BMX: variants seen among roughly 807,000 people sequenced by gnomAD.
The protein encoded by BMX is cytoplasmic tyrosine-protein kinase BMX.
In BMX, 31 loss-of-function variants were observed where a neutral mutation model predicts 59.2. The ratio of observed to expected loss-of-function variants is 0.52; its 90% CI spans 0.39 to 0.71. The LOEUF (loss-of-function observed/expected upper bound fraction) is 0.71. BMX is among the 30% of genes least tolerant of loss of function. The pLI, the probability that BMX is intolerant of heterozygous loss-of-function variation, is 0.00. For missense variants in BMX, 474 were observed against 491.7 expected (o/e 0.96, Z 0.34); for synonymous variants, 185 against 181.0 (o/e 1.02, Z -0.18).
Position 15,530,012 on chromosome X carries a change from G to C in BMX, c.924G>C (p.Gln308His). ...AGNISRSQSE[Q>H]LLRQKGKEGA... The stretch of plus-strand genomic sequence containing the variant: ...ACATCTCCAGATCACAATCTGAACA[G>C]TTACTCAGACAAAAGGTAAATAGTC... The change falls in exon 10 of 19, where the codon CAG becomes CAC. Residue 308 changes from glutamine to histidine, a missense_variant. Gln to His is a conservative substitution (Grantham distance 24, BLOSUM62 0). Coordinates refer to ENST00000348343, the MANE Select transcript of BMX (RefSeq NM_203281.3). The C allele has an allele frequency of 8.3e-7, 1 of 1,208,240 alleles. No individual in the cohort carries two copies. The highest frequency in any genetic ancestry group is 1.1e-6 in the Non-Finnish European group (1 of 892,977).
At chrX:15,518,537 T>C (rs1046768281) in intron 6 of BMX, among the ~76,000 whole-genome samples, 4 of 112,105 alleles carry the variant, frequency 3.6e-5, no homozygotes, top group Non-Finnish European at 5.6e-5. Context: ...ATGATAAAAA[T>C]GTCCCCATTA....
At chrX:15,502,350 G>C (rs1056081924) in intron 1 of BMX, among the ~76,000 whole-genome samples, 1 of 111,790 alleles carries the variant, frequency 8.9e-6, no homozygotes, top group African/African-American at 3.3e-5. Flanking sequence ...TGCCCAGAGA[G>C]AGTGCCCTAA....
chrX:15,541,502 A>G (rs745421758), intron 14 of BMX, among the ~76,000 whole-genome samples: 2 of 107,698 alleles, frequency 1.9e-5, no homozygotes, highest in Non-Finnish European at 3.8e-5. Flanking sequence ...TTTAAAAAAG[A>G]AAAAAAATCA....
chrX:15,529,206 G>T (rs1924944981), intron 9 of BMX, among the ~76,000 whole-genome samples: 1 of 111,717 alleles, frequency 9.0e-6, no homozygotes, highest in South Asian at 3.8e-4. Context: ...CTGTCCACCA[G>T]CTGACATCCC....
chrX:15,508,700 G>A (rs917477579), intron 2 of BMX, among the ~76,000 whole-genome samples: 1 of 112,047 alleles, frequency 8.9e-6, no homozygotes, highest in African/African-American at 3.2e-5. Context: ...CTTTACTAAG[G>A]CAAATTATAA....
At chrX:15,543,681 T>C (rs1441151478) in intron 16 of BMX, among the ~76,000 whole-genome samples, 3 of 111,225 alleles carry the variant, frequency 2.7e-5, no homozygotes, top group Non-Finnish European at 5.7e-5. Flanking sequence ...GGGTAGAGCA[T>C]TCACACTAGG....
intron 12 of BMX, among the ~76,000 whole-genome samples, chrX:15,536,140 C>T (rs1050989126): frequency 4.5e-5 from 5 of 112,170 alleles, no homozygotes; most frequent in African/African-American, 1.6e-4. Flanking sequence ...AAATCACATA[C>T]AGTGTTTTAT....
intron 17 of BMX, among the ~76,000 whole-genome samples, chrX:15,547,494 T>C (rs1242378222): frequency 8.9e-6 from 1 of 112,251 alleles, no homozygotes; most frequent in Non-Finnish European, 1.9e-5. Flanking sequence ...CTCCTCTCTG[T>C]TAAAATTTAT....
intron 4 of BMX, among the ~76,000 whole-genome samples, chrX:15,515,886 T>A (rs186257675): frequency 8.9e-6 from 1 of 112,501 alleles, no homozygotes; most frequent in African/African-American, 3.2e-5. Context: ...AAAAATGATA[T>A]GTAATTGTGT....
At chrX:15,535,366 T>C (rs1925280901) in intron 12 of BMX, among the ~76,000 whole-genome samples, 1 of 111,387 alleles carries the variant, frequency 9.0e-6, no homozygotes, top group East Asian at 2.8e-4. Flanking sequence ...TGCATGTAGG[T>C]GAATTGACCT....
In BMX at chrX:15,500,941, G is replaced by A; in HGVS notation, c.-10+1G>A. 1.3e-6 allele frequency: 1 copy of A among 754,638 alleles called. No individual in the cohort carries two copies. Among genetic ancestry groups the A allele is most frequent in the South Asian group, 6.7e-5 (1 of 14,858 alleles). The allele number at this position is 754,638 out of a possible 1,213,427, so 62.2% of individuals were successfully genotyped here. A position where few individuals can be genotyped will look rare whatever the true frequency, so the allele number is the denominator to read the frequency against. On this transcript the variant is annotated splice_donor_variant, in intron 1 of 18. Coordinates refer to ENST00000348343, the MANE Select transcript of BMX (RefSeq NM_203281.3). LOFTEE classifies it low-confidence loss of function (5UTR_SPLICE). Reference sequence around the variant, plus strand: ...GGCAAGCACGGAACAAGCTGAGACGGTGCGTTTAAGCGGCAGGTGGCTACT... The same window carrying A: ...GGCAAGCACGGAACAAGCTGAGACGATGCGTTTAAGCGGCAGGTGGCTACT...
At chrX:15,538,085 G>T (rs1260462471) in intron 14 of BMX, among the ~76,000 whole-genome samples, 2 of 110,718 alleles carry the variant, frequency 1.8e-5, no homozygotes, top group African/African-American at 3.3e-5. Flanking sequence ...CAGCACAACA[G>T]CCTTCAATTA....
rs781289361 is a variant in BMX at position 15,542,124 on chromosome X, C to G, written c.1537C>G (p.Leu513Val). The G allele has an allele frequency of 3.3e-6, 4 of 1,209,849 alleles. No individual in the cohort carries two copies. The highest frequency in any genetic ancestry group is 2.2e-5 in the Admixed American group (1 of 45,735). ...SHGKGLEPSQ[L>V]LEMCYDVCEG... ...CGGAAAAGGACTTGAACCTTCCCAG[C>G]TCTTAGAAATGTGCTACGATGTCTG... Residue 513 changes from leucine to valine, a missense_variant, in exon 15 of 19, where the codon CTC becomes GTC. Transcript: ENST00000348343.
At chrX:15,549,089 A>T (rs1043854147) in intron 17 of BMX, among the ~76,000 whole-genome samples, 1 of 111,485 alleles carries the variant, frequency 9.0e-6, no homozygotes, top group Non-Finnish European at 1.9e-5. Flanking sequence ...GACAGAAGTC[A>T]ACTTCAAAGG....
chrX:15,541,226 C>A, intron 14 of BMX, among the ~76,000 whole-genome samples: 1 of 111,319 alleles, frequency 9.0e-6, no homozygotes, highest in Middle Eastern at 4.7e-3. Context: ...CAAGATTAAA[C>A]ACTTCCATCT....
Position 15,546,836 on chromosome X carries a change from C to T in BMX, c.1710C>T (p.Val570=), listed in dbSNP as rs776616691. 4.0e-5 allele frequency: 48 copies of T among 1,208,402 alleles called. No individual in the cohort carries two copies. The highest frequency in any genetic ancestry group is 7.0e-5 in the African/African-American group (4 of 56,966). ...TTGATGACCAGTATGTCAGTTCAGT[C>T]GGAACAAAGTTTCCAGTCAAGTGGT... ...YVLDDQYVSS[V]GTKFPVKWSA... is the part of the protein sequence containing the mutation. The change falls in exon 17 of 19, where the codon GTC becomes GTT. Residue 570 remains valine, a synonymous_variant. Coordinates refer to ENST00000348343, the MANE Select transcript of BMX (RefSeq NM_203281.3).
chrX:15,532,323 T>C (rs775195694), intron 11 of BMX, among the ~76,000 whole-genome samples: 20 of 111,138 alleles, frequency 1.8e-4, no homozygotes, highest in Non-Finnish European at 3.6e-4. Context: ...TTAGCTCTTT[T>C]TTTTTCCTTC....
intron 13 of BMX, among the ~76,000 whole-genome samples, chrX:15,536,919 A>G (rs1925385408): frequency 9.0e-6 from 1 of 111,258 alleles, no homozygotes; most frequent in Non-Finnish European, 1.9e-5. Context: ...AAATAACTGT[A>G]GCTACTTCAA....
chrX:15,515,543 A>G (rs985405516), intron 4 of BMX, among the ~76,000 whole-genome samples: 3 of 111,522 alleles, frequency 2.7e-5, no homozygotes, highest in Non-Finnish European at 3.8e-5. Flanking sequence ...AAAGAATAAT[A>G]CATATGTACA....
Sources: allele counts gnomAD v4.1 joint callset (sites outside exome capture counted in the v4.1 genomes callset), GRCh38; gene constraint gnomAD v4.1.1; transcripts MANE v1.5; gene names NCBI Gene and HGNC (gene_info 2026-07-23, HGNC 2026-07-21).